Variants in ELMO1 observed in about 807,000 individuals in gnomAD.
ELMO1 encodes engulfment and cell motility protein 1.
A neutral mutation model predicts 98.9 loss-of-function variants in ELMO1; 26 were observed. The observed-to-expected ratio is 0.26, with a 90% confidence interval of 0.19 to 0.36. ELMO1 has a LOEUF of 0.36. ELMO1 is among the 10% of genes least tolerant of loss of function. The probability of loss-of-function intolerance (pLI) is 1.00; values close to 1 mark genes in which losing one functional copy is unlikely to be tolerated. For synonymous variants in ELMO1, 346 were observed against 346.0 expected, an observed-to-expected ratio of 1.00 and a Z score of 0.00; for missense variants, 627 against 935.2, an observed-to-expected ratio of 0.67 and a Z score of 4.30.
At chr7:37,219,614 T>C (rs1436495545) in intron 10 of ELMO1, among the ~76,000 whole-genome samples, 1 of 152,182 alleles carries the variant, frequency 6.6e-6, no homozygotes, top group African/African-American at 2.4e-5. Flanking sequence ...GTTGTTTACT[T>C]GGCAAATACA....
chr7:37,267,574 C>A (rs1280705901), intron 5 of ELMO1, among the ~76,000 whole-genome samples: 3 of 152,200 alleles, frequency 2.0e-5, no homozygotes, highest in South Asian at 2.1e-4. Context: ...CACTAGATTG[C>A]CCCCGAAGAG....
intron 13 of ELMO1, 95 bp downstream of exon 13, chr7:37,211,291 G>C: frequency 2.6e-6 from 4 of 1,567,814 alleles, no homozygotes; most frequent in East Asian, 2.3e-5. Context: ...TAAAGCGCAA[G>C]AGGACCACAC....
intron 1 of ELMO1, among the ~76,000 whole-genome samples, chr7:37,397,258 T>C (rs576573641): frequency 6.6e-6 from 1 of 152,358 alleles, no homozygotes; most frequent in South Asian, 2.1e-4. Flanking sequence ...GTTAATTTTA[T>C]TTGTCATTTC....
intron 16 of ELMO1, among the ~76,000 whole-genome samples, chr7:36,984,758 T>C (rs1424639095): frequency 6.6e-6 from 1 of 152,142 alleles, no homozygotes; most frequent in East Asian, 1.9e-4. Flanking sequence ...AAGTGTGCTA[T>C]GACACTTTCA....
intron 4 of ELMO1, among the ~76,000 whole-genome samples, chr7:37,292,772 T>C (rs1797791403): frequency 1.3e-5 from 1 of 76,400 alleles, no homozygotes; most frequent in Non-Finnish European, 2.9e-5. Flanking sequence ...AGCCACCCCG[T>C]CTGGGAGGGA....
intron 15 of ELMO1, among the ~76,000 whole-genome samples, chr7:37,016,896 C>T (rs1670061221): frequency 6.6e-6 from 1 of 152,224 alleles, no homozygotes; most frequent in Admixed American, 6.5e-5. Flanking sequence ...CATTATTCTG[C>T]TTCACTTGCT....
intron 8 of ELMO1, among the ~76,000 whole-genome samples, chr7:37,230,373 G>T (rs1465116393): frequency 6.6e-6 from 1 of 152,212 alleles, no homozygotes. Flanking sequence ...GGAGGAATAT[G>T]TAAGAGACAG....
At chr7:37,059,515 C>T (rs544402280) in intron 15 of ELMO1, among the ~76,000 whole-genome samples, 2 of 152,170 alleles carry the variant, frequency 1.3e-5, no homozygotes, top group Admixed American at 6.5e-5. Context: ...CTGTGTTTCA[C>T]TGCTTTTCAG....
intron 16 of ELMO1, among the ~76,000 whole-genome samples, chr7:36,961,842 C>CT (rs1165562301): frequency 1.3e-5 from 2 of 152,160 alleles, no homozygotes; most frequent in African/African-American, 4.8e-5. Context: ...CTACCCTGAC[C>CT]TTTAATGTGG....
chr7:37,352,225 T>C (rs1801303555), intron 1 of ELMO1, among the ~76,000 whole-genome samples: 1 of 152,208 alleles, frequency 6.6e-6, no homozygotes, highest in Non-Finnish European at 1.5e-5. Flanking sequence ...CCAGCCAGAA[T>C]GAAATCTACA....
At chr7:37,345,881 C>T (rs1424531813) in intron 1 of ELMO1, among the ~76,000 whole-genome samples, 4 of 142,734 alleles carry the variant, frequency 2.8e-5, no homozygotes, top group East Asian at 2.5e-4. Context: ...CCCAGCTACT[C>T]GGGAGGCTGA....
chr7:37,373,327 C>T (rs894874034), intron 1 of ELMO1, among the ~76,000 whole-genome samples: 14 of 152,118 alleles, frequency 9.2e-5, no homozygotes, highest in African/African-American at 3.1e-4. Context: ...TACAAGGTGG[C>T]CAGGCATGGT....
At chr7:36,957,619 C>A (rs1428623299) in intron 16 of ELMO1, among the ~76,000 whole-genome samples, 1 of 143,586 alleles carries the variant, frequency 7.0e-6, no homozygotes, top group Non-Finnish European at 1.5e-5. Flanking sequence ...GTGACTGTAG[C>A]CTAAGCTTTG....
At chr7:37,262,844 T>C (rs1294259288) in intron 5 of ELMO1, among the ~76,000 whole-genome samples, 1 of 152,200 alleles carries the variant, frequency 6.6e-6, no homozygotes, top group African/African-American at 2.4e-5. Flanking sequence ...TCTTCACCTC[T>C]CTTGGCCTCA....
At chr7:37,415,370 T>C (rs1804168861) in intron 1 of ELMO1, among the ~76,000 whole-genome samples, 1 of 152,252 alleles carries the variant, frequency 6.6e-6, no homozygotes, top group South Asian at 2.1e-4. Flanking sequence ...AATGCAAAGA[T>C]GTCCCTACAT....
intron 4 of ELMO1, among the ~76,000 whole-genome samples, chr7:37,286,161 A>C (rs1797382776): frequency 6.6e-6 from 1 of 152,252 alleles, no homozygotes; most frequent in African/African-American, 2.4e-5. Flanking sequence ...AACAATGCAA[A>C]TAGTGGTCTG....
intron 4 of ELMO1, among the ~76,000 whole-genome samples, chr7:37,277,382 G>A (rs189246576): frequency 6.6e-6 from 1 of 152,310 alleles, no homozygotes; most frequent in Admixed American, 6.5e-5. Flanking sequence ...CAGGGGAGAA[G>A]AGGAAACAGC....
At chr7:37,348,024 C>T (rs1168396158) in intron 1 of ELMO1, among the ~76,000 whole-genome samples, 3 of 152,208 alleles carry the variant, frequency 2.0e-5, no homozygotes, top group Non-Finnish European at 2.9e-5. Flanking sequence ...CTCCCCACTA[C>T]ATCTGGAGTA....
chr7:37,207,537 C>T (rs192440956), intron 13 of ELMO1, among the ~76,000 whole-genome samples: 16 of 152,130 alleles, frequency 1.1e-4, no homozygotes, highest in Admixed American at 5.9e-4. Context: ...GGTGACAGAG[C>T]GAGACTCTGT....
Sources: allele counts gnomAD v4.1 joint callset (sites outside exome capture counted in the v4.1 genomes callset), GRCh38; gene constraint gnomAD v4.1.1; transcripts MANE v1.5; gene names NCBI Gene and HGNC (gene_info 2026-07-23, HGNC 2026-07-21).